Variants in HMCN1 observed in about 807,000 individuals in gnomAD.
HMCN1 encodes hemicentin 1.
In HMCN1, 321 loss-of-function variants were observed where a neutral mutation model predicts 625.9. The ratio of observed to expected loss-of-function variants is 0.51; its 90% CI spans 0.47 to 0.56. The LOEUF (loss-of-function observed/expected upper bound fraction) is 0.56. Among genes scored for constraint, HMCN1 ranks in the 20% least tolerant of loss-of-function variants. The probability of loss-of-function intolerance (pLI) is 0.00; values close to 1 mark genes in which losing one functional copy is unlikely to be tolerated. For missense variants in HMCN1, 6,588 were observed against 6,887.3 expected, an observed-to-expected ratio of 0.96 and a Z score of 1.54; for synonymous variants, 2,425 against 2,417.6, an observed-to-expected ratio of 1.00 and a Z score of -0.09.
intron 97 of HMCN1, among the ~76,000 whole-genome samples, chr1:186,158,765 A>T (rs1358000813): frequency 6.6e-6 from 1 of 152,054 alleles, no homozygotes; most frequent in Non-Finnish European, 1.5e-5. Context: ...GCATTATTTC[A>T]GAGGGCTCTG....
intron 4 of HMCN1, among the ~76,000 whole-genome samples, chr1:185,880,462 T>G (rs1664234023): frequency 6.6e-6 from 1 of 152,214 alleles, no homozygotes; most frequent in Non-Finnish European, 1.5e-5. Context: ...TCTGATACTT[T>G]GAATGGGCTC....
intron 1 of HMCN1, among the ~76,000 whole-genome samples, chr1:185,780,456 C>A (rs985144885): frequency 1.3e-5 from 2 of 152,120 alleles, no homozygotes; most frequent in Non-Finnish European, 2.9e-5. Flanking sequence ...CCAGTTTTTG[C>A]CCATTCAGTA....
At chr1:185,866,621 T>C (rs980565954) in intron 4 of HMCN1, among the ~76,000 whole-genome samples, 1 of 151,864 alleles carries the variant, frequency 6.6e-6, no homozygotes, top group Non-Finnish European at 1.5e-5. Flanking sequence ...TTAGCCGGGA[T>C]GATCTCGATC....
At chr1:185,779,236 C>T (rs1656867143) in intron 1 of HMCN1, among the ~76,000 whole-genome samples, 1 of 152,068 alleles carries the variant, frequency 6.6e-6, no homozygotes, top group African/African-American at 2.4e-5. Context: ...TTTGTAGATT[C>T]TGGATATTAG....
At chr1:186,054,355 A>C (rs1224222244) in intron 44 of HMCN1, among the ~76,000 whole-genome samples, 3 of 152,008 alleles carry the variant, frequency 2.0e-5, no homozygotes, top group Non-Finnish European at 2.9e-5. Context: ...AAGATCTTAG[A>C]GTGCTTAAGA....
At chr1:185,889,662 A>G (rs1664918499) in intron 4 of HMCN1, among the ~76,000 whole-genome samples, 1 of 138,284 alleles carries the variant, frequency 7.2e-6, no homozygotes, top group Non-Finnish European at 1.5e-5. Flanking sequence ...GATGAAGCCC[A>G]CTTGATCATG....
At position 186,065,982 on chromosome 1, in the gene HMCN1, C is replaced by G. The variant is rs1391019357; in HGVS notation, c.7705+553C>G. Among the ~76,000 whole-genome samples, 6 of 151,994 alleles carry G rather than the reference C, an allele frequency of 3.9e-5. No homozygotes were observed. In the East Asian group the frequency reaches 1.2e-3, roughly 29 times the overall value. ...TATAATTCTACTAAAATCAACTGAC[C>G]TATATGTGAGTATGAAAATTTGTAT... On this transcript the variant is annotated intron_variant, in intron 49 of 106. Coordinates refer to ENST00000271588, the MANE Select transcript of HMCN1 (RefSeq NM_031935.3).
chr1:186,046,310 A>G (rs1375793449), intron 41 of HMCN1, among the ~76,000 whole-genome samples: 2 of 152,082 alleles, frequency 1.3e-5, no homozygotes, highest in Admixed American at 1.3e-4. Flanking sequence ...CTCTACTAAA[A>G]ACACAAAAAT....
At chr1:185,737,314 A>C (rs1398924698) in intron 1 of HMCN1, among the ~76,000 whole-genome samples, 1 of 151,852 alleles carries the variant, frequency 6.6e-6, no homozygotes, top group Non-Finnish European at 1.5e-5. Flanking sequence ...GCCACATCTG[A>C]CTAATTATTT....
chr1:186,093,146 T>C lies in HMCN1; in HGVS notation c.9900T>C (p.Asn3300=). The C allele has an allele frequency of 6.2e-7, 1 of 1,613,306 alleles. No individual in the cohort carries two copies. Among genetic ancestry groups the C allele is most frequent in the South Asian group, 1.1e-5 (1 of 91,068 alleles). ...GETERIRVSA[N]GSTLNIYGAL... is the part of the protein sequence containing the mutation. ...ATCTTTTCCGTAGAGTGAGTGCAAA[T>C]GGCAGCACATTAAACATTTATGGAG... is the stretch of plus-strand genomic sequence containing the variant. The change falls in exon 65 of 107, where the codon AAT becomes AAC. Residue 3300 remains asparagine, a synonymous_variant. Transcript: ENST00000271588.
At chr1:185,827,962 T>C (rs892272225) in intron 1 of HMCN1, among the ~76,000 whole-genome samples, 1 of 152,162 alleles carries the variant, frequency 6.6e-6, no homozygotes, top group African/African-American at 2.4e-5. Flanking sequence ...ATGTGTTGAG[T>C]GTGACTCAAG....
intron 4 of HMCN1, among the ~76,000 whole-genome samples, chr1:185,891,125 G>C (rs1256702471): frequency 1.9e-5 from 2 of 103,616 alleles, no homozygotes; most frequent in African/African-American, 1.0e-4. Context: ...CAGAGACTAG[G>C]ATTGCAACCC....
At chr1:185,886,720 T>C (rs1664676431) in intron 4 of HMCN1, among the ~76,000 whole-genome samples, 2 of 152,122 alleles carry the variant, frequency 1.3e-5, no homozygotes, top group African/African-American at 4.8e-5. Flanking sequence ...CAAGTCTTCA[T>C]CACTTCACAC....
In HMCN1 at chr1:185,909,428, T is replaced by C. The variant is rs1666290261; in HGVS notation, c.713T>C (p.Ile238Thr). 1 of 1,613,478 alleles carries C rather than the reference T, an allele frequency of 6.2e-7. No homozygotes were observed. Among genetic ancestry groups the C allele is most frequent in the Admixed American group, 1.7e-5 (1 of 59,946 alleles). ...GAACAGGCTGTAAATACTTGGAGAA[T>C]TCCTTTTGATCCCAGCCTGAAAGAG... ...HLEQAVNTWRIPFDPSLKEVT... is the reference protein window; with the variant it reads ...HLEQAVNTWRTPFDPSLKEVT... Residue 238 changes from isoleucine to threonine, a missense_variant, in exon 5 of 107, where the codon ATT (isoleucine) becomes ACT (threonine). Physicochemically the swap from Ile to Thr is moderately conservative, Grantham distance 89. Around this residue, in one of 3 missense-constraint regions of HMCN1, gnomAD observed 4,628 missense variants for 4,853.1 expected, o/e 0.95. Transcript: ENST00000271588.
At chr1:186,151,545 G>A (rs1650664067) in intron 94 of HMCN1, 61 bp from the exon 95 acceptor site, 1 of 1,502,562 alleles carries the variant, frequency 6.7e-7, no homozygotes, top group African/African-American at 1.4e-5. Context: ...AATATGCTAT[G>A]AAGACAATAA....
intron 35 of HMCN1, among the ~76,000 whole-genome samples, chr1:186,021,857 TG>T (rs1417106095): frequency 1.3e-5 from 2 of 151,998 alleles, no homozygotes; most frequent in East Asian, 1.9e-4. Flanking sequence ...GATTAACAGC[TG>T]GGGAGGTTGG....
rs1650158614 is a variant in HMCN1 at position 186,144,473 on chromosome 1, G to T, written c.14096-60G>T. ...ACATCTCTCAAACTAACAATGCCCA[G>T]AGTGTAACACGATGGTTCCTAGGTA... On this transcript the variant is annotated intron_variant, in intron 90 of 106. Transcript: ENST00000271588. 3 of 1,612,192 alleles carry T rather than the reference G, an allele frequency of 1.9e-6. No individual in the cohort carries two copies. The Admixed American group carries it at 5.0e-5, about 27-fold the overall frequency.
chr1:185,993,673 T>G (rs1270688913), intron 23 of HMCN1, among the ~76,000 whole-genome samples: 1 of 152,166 alleles, frequency 6.6e-6, no homozygotes, highest in Non-Finnish European at 1.5e-5. Flanking sequence ...TTATTAGTAT[T>G]TAAATGATAA....
chr1:185,833,340 A>G (rs147809194), intron 1 of HMCN1, among the ~76,000 whole-genome samples: 151 of 152,322 alleles, frequency 9.9e-4, no homozygotes, highest in African/African-American at 3.5e-3. Flanking sequence ...CATTTACATT[A>G]TTAAGAAGAC....
Sources: gnomAD v4.1 joint callset for allele counts (sites outside exome capture counted in the v4.1 genomes callset) on GRCh38, gnomAD v4.1.1 for gene constraint, gnomAD v4.1.1 regional missense constraint, MANE v1.5 for transcripts, NCBI Gene and HGNC (gene_info 2026-07-23, HGNC 2026-07-21) for gene names.